The following ERG variants were observed in gnomAD, a reference collection of about 807,000 sequenced individuals.
The protein encoded by ERG is ETS transcription factor ERG.
In ERG, 9 loss-of-function variants were observed where a neutral mutation model predicts 55.3. The observed-to-expected ratio is 0.16, with a 90% CI of 0.10 to 0.28. The LOEUF is 0.28. Among genes scored for constraint, ERG ranks in the 10% least tolerant of loss-of-function variants. The pLI, the probability that ERG is intolerant of heterozygous loss-of-function variation, is 1.00. For synonymous variants in ERG, 223 were observed against 237.3 expected (o/e 0.94, Z 0.55); for missense variants, 434 against 631.6 (o/e 0.69, Z 3.35).
downstream of ERG, among the ~76,000 whole-genome samples, chr21:38,375,709 G>C (rs1224147339): frequency 2.0e-5 from 3 of 152,150 alleles, no homozygotes; most frequent in Non-Finnish European, 4.4e-5. Flanking sequence ...GAAGCTGAAC[G>C]TTCTATAGCC....
At chr21:38,522,552 C>G (rs2059602577) in intron 2 of ERG, among the ~76,000 whole-genome samples, 1 of 152,154 alleles carries the variant, frequency 6.6e-6, no homozygotes. Flanking sequence ...ATTGCCATAA[C>G]TGCTTTCCTA....
chr21:38,555,003 C>T (rs1432224821), intron 2 of ERG, among the ~76,000 whole-genome samples: 2 of 150,298 alleles, frequency 1.3e-5, no homozygotes, highest in Non-Finnish European at 1.5e-5. Context: ...AAAGAATTCA[C>T]AAAAAAAAAT....
chr21:38,487,624 A>G (rs761712412), intron 1 of ERG, among the ~76,000 whole-genome samples: 4 of 152,178 alleles, frequency 2.6e-5, no homozygotes, highest in Non-Finnish European at 5.9e-5. Flanking sequence ...GACTCAGGAG[A>G]TCAGGGAAGT....
At chr21:38,431,435 C>T (rs16996295) in intron 2 of ERG, among the ~76,000 whole-genome samples, 7,475 of 152,236 alleles carry the variant, frequency 0.049, 601 homozygotes, top group African/African-American at 0.17. Context: ...CATTATTCCC[C>T]TACCTGTGTG....
chr21:38,434,661 T>C (rs1990371974), intron 2 of ERG, among the ~76,000 whole-genome samples: 1 of 152,210 alleles, frequency 6.6e-6, no homozygotes, highest in African/African-American at 2.4e-5. Context: ...TGGTTGACCT[T>C]AGATGGGTCA....
At chr21:38,530,373 A>T (rs2059663860) in intron 2 of ERG, among the ~76,000 whole-genome samples, 1 of 152,150 alleles carries the variant, frequency 6.6e-6, no homozygotes, top group South Asian at 2.1e-4. Flanking sequence ...ATGAGGTTTG[A>T]AGGGAGGCAT....
intron 2 of ERG, among the ~76,000 whole-genome samples, chr21:38,546,451 A>G (rs966917306): frequency 6.6e-5 from 10 of 152,194 alleles, no homozygotes; most frequent in African/African-American, 2.2e-4. Flanking sequence ...CACAGGCAAC[A>G]CTTACTATGC....
intron 9 of ERG, among the ~76,000 whole-genome samples, chr21:38,384,858 T>C (rs1015052271): frequency 6.6e-6 from 1 of 150,376 alleles, no homozygotes; most frequent in African/African-American, 2.4e-5. Context: ...AAGCTGGCTC[T>C]TTTTCAAACC....
chr21:38,619,377 CCTCT>C (rs2146939953), intron 1 of ERG, among the ~76,000 whole-genome samples: 1 of 152,246 alleles, frequency 6.6e-6, no homozygotes, highest in South Asian at 2.1e-4. Flanking sequence ...TCATCCTCCT[CCTCT>C]CTATTCCTCT....
chr21:38,653,065 T>C (rs2060497664), intron 1 of ERG, among the ~76,000 whole-genome samples: 1 of 152,328 alleles, frequency 6.6e-6, no homozygotes, highest in African/African-American at 2.4e-5. Flanking sequence ...CTTTCTAGAT[T>C]CCACGATGTG....
intron 2 of ERG, among the ~76,000 whole-genome samples, chr21:38,560,267 T>C (rs1568913154): frequency 6.6e-6 from 1 of 152,194 alleles, no homozygotes; most frequent in Non-Finnish European, 1.5e-5. Context: ...CCTTTCCTGC[T>C]TCTACAGATG....
chr21:38,640,602 A>C (rs1373873725), intron 1 of ERG, among the ~76,000 whole-genome samples: 1 of 152,118 alleles, frequency 6.6e-6, no homozygotes, highest in Non-Finnish European at 1.5e-5. Context: ...CTTGGCTCTG[A>C]TCTGTCTTGC....
chr21:38,451,508 G>A (rs1262862278), intron 1 of ERG, among the ~76,000 whole-genome samples: 1 of 152,156 alleles, frequency 6.6e-6, no homozygotes, highest in South Asian at 2.1e-4. Flanking sequence ...TAAATATGCT[G>A]GAGCCTATGC....
chr21:38,537,283 A>C (rs2059717671), intron 2 of ERG, among the ~76,000 whole-genome samples: 1 of 152,180 alleles, frequency 6.6e-6, no homozygotes, highest in African/African-American at 2.4e-5. Flanking sequence ...CACCAAAAGC[A>C]CAGGCAACAT....
intron 3 of ERG, among the ~76,000 whole-genome samples, chr21:38,404,087 GTATATTTATA>G (rs1988647100): frequency 6.6e-6 from 1 of 151,848 alleles, no homozygotes; most frequent in Non-Finnish European, 1.5e-5. Context: ...AAAACTACTG[GTATATTTATA>G]TATATTTATA....
At chr21:38,622,683 T>C (rs1601324220) in intron 1 of ERG, among the ~76,000 whole-genome samples, 1 of 123,748 alleles carries the variant, frequency 8.1e-6, no homozygotes, top group East Asian at 2.6e-4. Context: ...ATACACACCA[T>C]ACCACACACA....
At chr21:38,623,587 C>T (rs898204315) in intron 1 of ERG, among the ~76,000 whole-genome samples, 4 of 152,184 alleles carry the variant, frequency 2.6e-5, no homozygotes, top group Non-Finnish European at 4.4e-5. Flanking sequence ...TTTCCAGTCA[C>T]ACCGTACATC....
intron 1 of ERG, among the ~76,000 whole-genome samples, chr21:38,654,756 C>T (rs976959942): frequency 6.6e-6 from 1 of 152,148 alleles, no homozygotes; most frequent in African/African-American, 2.4e-5. Context: ...ATTTTTCCTC[C>T]ACTTTTGCTT....
intron 1 of ERG, among the ~76,000 whole-genome samples, chr21:38,582,088 G>A (rs2060033171): frequency 6.6e-6 from 1 of 150,424 alleles, no homozygotes. Flanking sequence ...CCTGTACTTG[G>A]AATCCTTCCA....
Sources: gnomAD v4.1 joint callset for allele counts (sites outside exome capture counted in the v4.1 genomes callset) on GRCh38, gnomAD v4.1.1 for gene constraint, MANE v1.5 for transcripts, NCBI Gene and HGNC (gene_info 2026-07-23, HGNC 2026-07-21) for gene names.